Variants in GPC5 observed in about 807,000 individuals in gnomAD.
GPC5 encodes the protein glypican-5.
In GPC5, 47 loss-of-function variants were observed where a neutral mutation model predicts 53.9. That is an observed-to-expected ratio of 0.87 (90% CI 0.69 to 1.11). The LOEUF (loss-of-function observed/expected upper bound fraction) is 1.11. GPC5 is among the 50% of genes most tolerant of loss of function. The pLI, the probability that GPC5 is intolerant of heterozygous loss-of-function variation, is 0.00. For missense variants in GPC5, 748 were observed against 713.1 expected (o/e 1.05, Z -0.56); for synonymous variants, 286 against 263.3 (o/e 1.09, Z -0.84).
At chr13:91,893,983 C>A (rs969720379) in intron 5 of GPC5, among the ~76,000 whole-genome samples, 1 of 151,586 alleles carries the variant, frequency 6.6e-6, no homozygotes, top group Admixed American at 6.6e-5. Flanking sequence ...CCCTGCATGG[C>A]ATACAAAGCA....
At chr13:92,838,093 A>T (rs1170676947) in intron 7 of GPC5, among the ~76,000 whole-genome samples, 1 of 151,874 alleles carries the variant, frequency 6.6e-6, no homozygotes, top group East Asian at 1.9e-4. Flanking sequence ...AATAAAAAAA[A>T]AAAAATTAAA....
intron 7 of GPC5, among the ~76,000 whole-genome samples, chr13:92,654,902 A>G (rs1335714862): frequency 2.0e-5 from 3 of 152,234 alleles, no homozygotes; most frequent in Non-Finnish European, 4.4e-5. Flanking sequence ...CTGAAATCCA[A>G]TATGACTGAT....
intron 2 of GPC5, among the ~76,000 whole-genome samples, chr13:91,513,664 C>T (rs1885350423): frequency 6.6e-6 from 1 of 152,020 alleles, no homozygotes; most frequent in Non-Finnish European, 1.5e-5. Flanking sequence ...TCACTTGAAC[C>T]CCGGAGGTAG....
intron 1 of GPC5, among the ~76,000 whole-genome samples, 165 bp from the exon 2 acceptor site, chr13:91,448,596 A>C (rs1880960117): frequency 6.6e-6 from 1 of 152,188 alleles, no homozygotes; most frequent in Admixed American, 6.5e-5. Flanking sequence ...TTTGTTTATG[A>C]TTGTGTTAAT....
chr13:92,578,562 G>C (rs1883260046), intron 7 of GPC5, among the ~76,000 whole-genome samples: 1 of 152,112 alleles, frequency 6.6e-6, no homozygotes, highest in Admixed American at 6.6e-5. Context: ...AAAGGCCTGA[G>C]AACCTGGAGC....
intron 7 of GPC5, among the ~76,000 whole-genome samples, chr13:92,794,884 A>G (rs1876602931): frequency 6.6e-6 from 1 of 152,196 alleles, no homozygotes; most frequent in South Asian, 2.1e-4. Context: ...GAAATAAAAA[A>G]GGACACAAAC....
chr13:91,896,594 A>G (rs2039445123), intron 5 of GPC5, among the ~76,000 whole-genome samples: 1 of 152,126 alleles, frequency 6.6e-6, no homozygotes, highest in Non-Finnish European at 1.5e-5. Flanking sequence ...GAACGGGGGA[A>G]GTATGAAGGA....
intron 6 of GPC5, among the ~76,000 whole-genome samples, chr13:91,971,693 A>T (rs1295604879): frequency 1.3e-5 from 2 of 152,174 alleles, no homozygotes; most frequent in African/African-American, 4.8e-5. Flanking sequence ...TTCAAAGAAC[A>T]TCTTTATTTC....
In GPC5 at chr13:92,166,317, A is replaced by G. The variant is rs568776261; in HGVS notation, c.1561+21328A>G. Among the ~76,000 whole-genome samples, 15 of 152,326 alleles carry G rather than the reference A, an allele frequency of 9.8e-5. No individual in the cohort carries two copies. The East Asian group carries it at 2.1e-3, about 22-fold the overall frequency. On this transcript the variant is annotated intron_variant, in intron 7 of 7. Coordinates refer to ENST00000377067, the MANE Select transcript of GPC5 (RefSeq NM_004466.6). ...CAAGACCTCTAATTGCAGTTCTGCT[A>G]ATGTCCAGGACCTTAACAAGTCTTA...
At chr13:92,850,681 TAAG>T (rs1878765943) in intron 7 of GPC5, among the ~76,000 whole-genome samples, 2 of 152,106 alleles carry the variant, frequency 1.3e-5, no homozygotes, top group Non-Finnish European at 2.9e-5. Flanking sequence ...GTCTATAAAG[TAAG>T]GATTAGTCAA....
chr13:92,148,738 C>A (rs1053345634), intron 7 of GPC5, among the ~76,000 whole-genome samples: 3 of 152,036 alleles, frequency 2.0e-5, no homozygotes, highest in Non-Finnish European at 4.4e-5. Context: ...CAGTAGCTAA[C>A]TGATGAAGGT....
At chr13:92,248,982 A>T (rs1483351166) in intron 7 of GPC5, among the ~76,000 whole-genome samples, 1 of 151,300 alleles carries the variant, frequency 6.6e-6, no homozygotes. Context: ...TTATTGCTGC[A>T]AATATTTTAT....
chr13:92,734,944 A>AGAT (rs1888899496), intron 7 of GPC5, among the ~76,000 whole-genome samples: 1 of 151,974 alleles, frequency 6.6e-6, no homozygotes, highest in East Asian at 1.9e-4. Flanking sequence ...TGATTTAAAA[A>AGAT]GATAGGTTAT....
intron 7 of GPC5, among the ~76,000 whole-genome samples, chr13:92,371,931 G>C (rs1170187030): frequency 6.6e-6 from 1 of 152,202 alleles, no homozygotes; most frequent in African/African-American, 2.4e-5. Context: ...TGCTGGCTTT[G>C]AAGATAAAGG....
At chr13:92,522,834 T>A (rs1881118627) in intron 7 of GPC5, among the ~76,000 whole-genome samples, 1 of 152,160 alleles carries the variant, frequency 6.6e-6, no homozygotes, top group Non-Finnish European at 1.5e-5. Context: ...TGCTAAATTC[T>A]GTTTTAAAAT....
At chr13:91,779,172 T>A (rs2037757895) in intron 5 of GPC5, among the ~76,000 whole-genome samples, 1 of 152,222 alleles carries the variant, frequency 6.6e-6, no homozygotes, top group African/African-American at 2.4e-5. Context: ...ACTAAATTTA[T>A]AACAAATTCT....
At chr13:92,453,948 C>T (rs370840559) in intron 7 of GPC5, among the ~76,000 whole-genome samples, 8 of 152,106 alleles carry the variant, frequency 5.3e-5, no homozygotes, top group South Asian at 4.1e-4. Flanking sequence ...ATAAATAGCA[C>T]GCAAAATGTC....
chr13:92,170,013 A>C (rs879389854), intron 7 of GPC5, among the ~76,000 whole-genome samples: 6 of 152,074 alleles, frequency 3.9e-5, no homozygotes, highest in African/African-American at 7.2e-5. Context: ...TTACAATGGA[A>C]TAAACAGGAG....
intron 7 of GPC5, among the ~76,000 whole-genome samples, chr13:92,209,576 C>T (rs1489714604): frequency 6.6e-6 from 1 of 151,998 alleles, no homozygotes; most frequent in Non-Finnish European, 1.5e-5. Flanking sequence ...ATAAGCTTGC[C>T]CCTGAATCTG....
Sources: gnomAD v4.1 joint callset for allele counts (sites outside exome capture counted in the v4.1 genomes callset) on GRCh38, gnomAD v4.1.1 for gene constraint, MANE v1.5 for transcripts, NCBI Gene and HGNC (gene_info 2026-07-23, HGNC 2026-07-21) for gene names.